Variants in FRYL observed in about 807,000 individuals in gnomAD.
FRYL encodes the protein FRY like transcription coactivator.
FRYL carries 150 observed loss-of-function variants against 351.2 expected under a neutral mutation model. The observed-to-expected ratio is 0.43, with a 90% CI of 0.37 to 0.49. FRYL has a LOEUF of 0.49. Among genes scored for constraint, FRYL ranks in the 20% least tolerant of loss-of-function variants. The pLI is 0.00. For synonymous variants in FRYL, 1,153 were observed against 1,257.1 expected, an observed-to-expected ratio of 0.92 and a Z score of 1.75; for missense variants, 3,036 against 3,619.3, an observed-to-expected ratio of 0.84 and a Z score of 4.13.
chr4:48,691,823 T>C (rs1172499920), intron 2 of FRYL, among the ~76,000 whole-genome samples: 1 of 152,186 alleles, frequency 6.6e-6, no homozygotes, highest in African/African-American at 2.4e-5. Context: ...GTATACACTG[T>C]ATACAACCGG....
At chr4:48,642,599 T>C (rs1237207774) in intron 3 of FRYL, among the ~76,000 whole-genome samples, 1 of 152,044 alleles carries the variant, frequency 6.6e-6, no homozygotes. Context: ...TTGAAAAGAG[T>C]TTCTAAACAT....
chr4:48,742,973 A>ATTTT (rs71191256), intron 1 of FRYL, among the ~76,000 whole-genome samples: 20 of 81,742 alleles, frequency 2.4e-4, no homozygotes, highest in South Asian at 8.9e-4. Context: ...CGCCTGGATA[A>ATTTT]TTTTTTTTTT....
intron 3 of FRYL, chr4:48,681,123 C>A (rs1467000383): frequency 2.4e-6 from 3 of 1,234,838 alleles, no homozygotes; most frequent in Middle Eastern, 2.2e-4. Flanking sequence ...TTAAAAAATC[C>A]ATTTTAAGGT....
Position 48,499,638 on chromosome 4 carries a change from G to T in FRYL, c.8826C>A (p.Asp2942Glu). The change falls in exon 64 of 64, where the codon GAC (aspartate) becomes GAA (glutamate). Residue 2942 changes from aspartate (D) to glutamate (E), a missense_variant. Physicochemically the swap from Asp to Glu is conservative, Grantham distance 45 (BLOSUM62 2). This residue lies in a region of FRYL where 1,987 missense variants were observed against 2,311.7 expected (regional missense o/e 0.86). Coordinates refer to ENST00000358350, the MANE Select transcript of FRYL (RefSeq NM_015030.2). ...ATATATGTAACAGTGTCTGTACAGG[G>T]TCATCTTCACAACTGCCAAAGATAT... ...PSDIFGSCEDDPVQTLLHIYF... is the reference protein window; with the variant it reads ...PSDIFGSCEDEPVQTLLHIYF... The T allele has an allele frequency of 6.2e-7, 1 of 1,613,832 alleles. No individual in the cohort carries two copies. Among genetic ancestry groups the T allele is most frequent in the Non-Finnish European group, 8.5e-7 (1 of 1,179,722 alleles).
At chr4:48,518,597 T>G (rs1724167633) in intron 55 of FRYL, among the ~76,000 whole-genome samples, 1 of 152,206 alleles carries the variant, frequency 6.6e-6, no homozygotes, top group Non-Finnish European at 1.5e-5. Context: ...GTCATGACAG[T>G]GCCTTGGCCC....
chr4:48,665,537 G>A (rs1761554675), intron 3 of FRYL, among the ~76,000 whole-genome samples: 1 of 152,074 alleles, frequency 6.6e-6, no homozygotes, highest in African/African-American at 2.4e-5. Context: ...ATAACATAAT[G>A]CATATTTATT....
At chr4:48,624,146 C>T (rs1342838529) in intron 4 of FRYL, among the ~76,000 whole-genome samples, 1 of 152,128 alleles carries the variant, frequency 6.6e-6, no homozygotes. Context: ...ATGACTGCTT[C>T]TTATTAATTT....
At chr4:48,565,722 T>C in intron 28 of FRYL, 31 bp from the exon 29 acceptor site, 1 of 1,587,726 alleles carries the variant, frequency 6.3e-7, no homozygotes, top group South Asian at 1.1e-5. Flanking sequence ...AAAACATTTA[T>C]TTCCATTTCT....
chr4:48,514,997 C>T, intron 56 of FRYL, 31 bp downstream of exon 56: 1 of 1,578,670 alleles, frequency 6.3e-7, no homozygotes, highest in Non-Finnish European at 8.6e-7. Flanking sequence ...ATTATCCCCT[C>T]ACTACAGTGT....
At chr4:48,710,767 G>A (rs2149590093) in intron 1 of FRYL, 69 bp from the exon 2 acceptor site, 1 of 394,318 alleles carries the variant, frequency 2.5e-6, no homozygotes, top group South Asian at 1.4e-4. Context: ...TAACATTTTA[G>A]CAGCTTCCGT....
At chr4:48,634,027 T>TTA (rs1440493013) in intron 4 of FRYL, among the ~76,000 whole-genome samples, 1 of 152,246 alleles carries the variant, frequency 6.6e-6, no homozygotes, top group African/African-American at 2.4e-5. Context: ...GTGACCTTAG[T>TTA]GTTAACTCAC....
At chr4:48,712,204 C>A (rs1170406691) in intron 1 of FRYL, among the ~76,000 whole-genome samples, 4 of 152,184 alleles carry the variant, frequency 2.6e-5, no homozygotes, top group African/African-American at 7.2e-5. Flanking sequence ...AGCAATGGAA[C>A]AAAGCTGGGC....
At chr4:48,697,688 A>C (rs1288996064) in intron 2 of FRYL, among the ~76,000 whole-genome samples, 1 of 152,160 alleles carries the variant, frequency 6.6e-6, no homozygotes, top group East Asian at 1.9e-4. Flanking sequence ...TATGCTGGTC[A>C]CGCTGGTCTT....
chr4:48,739,552 T>C (rs987445978), intron 1 of FRYL, among the ~76,000 whole-genome samples: 5 of 150,854 alleles, frequency 3.3e-5, no homozygotes, highest in Admixed American at 3.3e-4. Context: ...GACCTTAAAC[T>C]CACCACAAAA....
At chr4:48,521,353 A>G in intron 54 of FRYL, 138 bp from the exon 55 acceptor site, 1 of 634,536 alleles carries the variant, frequency 1.6e-6, no homozygotes, top group South Asian at 2.5e-5. Context: ...CTTTCCTTCC[A>G]GTCTACACCA....
intron 11 of FRYL, among the ~76,000 whole-genome samples, chr4:48,604,126 T>C (rs1311574042): frequency 6.6e-6 from 1 of 152,238 alleles, no homozygotes; most frequent in African/African-American, 2.4e-5. Context: ...GCACTAGCAA[T>C]TAAAATCTAC....
intron 58 of FRYL, 82 bp downstream of exon 58, chr4:48,510,753 C>A (rs1722302052): frequency 9.1e-7 from 1 of 1,093,710 alleles, no homozygotes; most frequent in South Asian, 1.4e-5. Flanking sequence ...CCATAAAATT[C>A]AGAATTACTT....
intron 40 of FRYL, among the ~76,000 whole-genome samples, chr4:48,548,320 T>C (rs1731853600): frequency 6.6e-6 from 1 of 152,158 alleles, no homozygotes; most frequent in Non-Finnish European, 1.5e-5. Context: ...CCCAGTTCTT[T>C]TGGGAAATAC....
chr4:48,512,400 G>C, intron 57 of FRYL, 81 bp downstream of exon 57: 3 of 1,126,128 alleles, frequency 2.7e-6, no homozygotes, highest in Non-Finnish European at 3.9e-6. Context: ...TATTAAAATC[G>C]GAGATGCTGA....
Sources: gnomAD v4.1 joint callset for allele counts (sites outside exome capture counted in the v4.1 genomes callset) on GRCh38, gnomAD v4.1.1 for gene constraint, gnomAD v4.1.1 regional missense constraint, MANE v1.5 for transcripts, NCBI Gene and HGNC (gene_info 2026-07-23, HGNC 2026-07-21) for gene names.